Variants in PRORP observed in about 807,000 individuals in gnomAD.
The protein encoded by PRORP is protein only RNase P catalytic subunit, also known as mitochondrial ribonuclease P catalytic subunit.
In PRORP, 51 loss-of-function variants were observed where a neutral mutation model predicts 59.4. The observed-to-expected ratio is 0.86, with a 90% confidence interval of 0.69 to 1.08. The LOEUF (loss-of-function observed/expected upper bound fraction) is 1.08, where lower values mean the gene tolerates loss of function less well. Ranked by LOEUF, PRORP falls within the 50% of genes least tolerant of loss-of-function variation. The pLI is 0.00. For synonymous variants in PRORP, 231 were observed against 245.6 expected (o/e 0.94, Z 0.55); for missense variants, 646 against 690.3 (o/e 0.94, Z 0.72).
Position 35,262,585 on chromosome 14 carries a change from G to A in PRORP, c.1276-4142G>A, listed in dbSNP as rs2050933260. On this transcript the variant is annotated intron_variant, in intron 5 of 7. Transcript: ENST00000534898. ...GCAGAGGGATTTCAATCACATCAGT[G>A]TAGATTCAGTCTTCTTGGAAAGAAA... 9.8e-6 allele frequency: 7 copies of A among 715,658 alleles called. No homozygotes were observed. In the Admixed American group the frequency reaches 1.2e-4, roughly 13 times the overall value. 44.3% of individuals were successfully genotyped at this position (715,658 alleles called of 1,614,324 possible). A position where few individuals can be genotyped will look rare whatever the true frequency, so the allele number is the denominator to read the frequency against.
At chr14:35,203,821 C>T (rs1325131180) in intron 5 of PRORP, among the ~76,000 whole-genome samples, 5 of 152,036 alleles carry the variant, frequency 3.3e-5, no homozygotes, top group South Asian at 2.1e-4. Context: ...GCTGAGATCA[C>T]GCCACTGCAC....
At chr14:35,174,231 A>G (rs767487190) in intron 4 of PRORP, among the ~76,000 whole-genome samples, 7 of 151,932 alleles carry the variant, frequency 4.6e-5, no homozygotes, top group Admixed American at 3.9e-4. Context: ...TTCAAATGTC[A>G]TGTCCCCTCC....
chr14:35,184,912 C>T (rs149270686), intron 5 of PRORP, among the ~76,000 whole-genome samples: 3,505 of 152,164 alleles, frequency 0.023, 57 homozygotes, highest in Non-Finnish European at 0.032. Context: ...TTTTCTTTAT[C>T]CAATCTGTCA....
chr14:35,239,935 C>T (rs1257046795), intron 5 of PRORP, among the ~76,000 whole-genome samples: 4 of 151,942 alleles, frequency 2.6e-5, no homozygotes, highest in Non-Finnish European at 5.9e-5. Context: ...ATTAGCCAGG[C>T]GTGGTGGCGT....
chr14:35,230,646 A>G (rs2050053991), intron 5 of PRORP, among the ~76,000 whole-genome samples: 1 of 152,190 alleles, frequency 6.6e-6, no homozygotes, highest in Admixed American at 6.5e-5. Flanking sequence ...ATGCCTTTTC[A>G]AGTTAGTGAA....
intron 4 of PRORP, among the ~76,000 whole-genome samples, chr14:35,173,219 G>A (rs1299680787): frequency 2.6e-5 from 4 of 152,060 alleles, no homozygotes; most frequent in Admixed American, 6.6e-5. Context: ...TCACATTTCT[G>A]TATTTCTTTT....
chr14:35,184,851 A>G (rs1337024492), intron 5 of PRORP, among the ~76,000 whole-genome samples: 3 of 152,134 alleles, frequency 2.0e-5, no homozygotes, highest in Admixed American at 2.0e-4. Context: ...AAAAGACATG[A>G]TCTCATTCTT....
intron 4 of PRORP, among the ~76,000 whole-genome samples, chr14:35,165,681 GT>G (rs1476382791): frequency 6.6e-6 from 1 of 150,658 alleles, no homozygotes; most frequent in African/African-American, 2.4e-5. Context: ...CCTTTAAAAT[GT>G]AAGGTTTTTT....
chr14:35,156,052 C>T (rs572353474), intron 4 of PRORP, among the ~76,000 whole-genome samples: 1 of 152,126 alleles, frequency 6.6e-6, no homozygotes, highest in Non-Finnish European at 1.5e-5. Flanking sequence ...CAAGTTAATC[C>T]ATTGTGTGGT....
intron 5 of PRORP, among the ~76,000 whole-genome samples, chr14:35,256,770 G>A (rs546012836): frequency 4.9e-4 from 75 of 152,212 alleles, no homozygotes; most frequent in Non-Finnish European, 8.7e-4. Context: ...TGGATTGGCC[G>A]TGAGCTGATA....
intron 4 of PRORP, among the ~76,000 whole-genome samples, chr14:35,173,678 T>C (rs1481412436): frequency 6.6e-6 from 1 of 152,156 alleles, no homozygotes; most frequent in African/African-American, 2.4e-5. Context: ...GATTGCCCTC[T>C]GACCAAGACA....
intron 5 of PRORP, among the ~76,000 whole-genome samples, chr14:35,243,991 C>G (rs1389053807): frequency 6.6e-6 from 1 of 152,026 alleles, no homozygotes; most frequent in Non-Finnish European, 1.5e-5. Context: ...GCTCTTCTAC[C>G]AAGAACGAAC....
At chr14:35,216,421 C>T (rs905851630) in intron 5 of PRORP, among the ~76,000 whole-genome samples, 6 of 151,788 alleles carry the variant, frequency 4.0e-5, no homozygotes, top group South Asian at 2.1e-4. Context: ...GCAATCCTCC[C>T]GCCTCAGCCC....
intron 5 of PRORP, among the ~76,000 whole-genome samples, chr14:35,200,783 G>GT (rs2049128771): frequency 6.6e-6 from 1 of 151,836 alleles, no homozygotes; most frequent in African/African-American, 2.4e-5. Flanking sequence ...CCCACACCCA[G>GT]TTTTTTCTAT....
chr14:35,260,564 A>G (rs1321103048), intron 5 of PRORP, among the ~76,000 whole-genome samples: 1 of 152,258 alleles, frequency 6.6e-6, no homozygotes, highest in Non-Finnish European at 1.5e-5. Context: ...GGCCTAAGCT[A>G]TAGCCACCTA....
Position 35,127,504 on chromosome 14 carries a change from A to G in PRORP, c.1060A>G (p.Thr354Ala), listed in dbSNP as rs1297815540. 6.2e-7 allele frequency: 1 copy of G among 1,610,802 alleles called. No homozygotes were observed. Among genetic ancestry groups the G allele is most frequent in the East Asian group, 2.2e-5 (1 of 44,672 alleles). ...TGGCCAGTGTTCGGGCTGTGGAAAA[A>G]CCATAGAGTCTATTCAGCTGAGTCC... ...KSGQCSGCGK[T>A]IESIQLSPEE... is the part of the protein sequence containing the mutation. The change falls in exon 4 of 8, where the codon ACC becomes GCC. Residue 354 changes from threonine (T) to alanine (A), a missense_variant. Coordinates refer to ENST00000534898, the MANE Select transcript of PRORP (RefSeq NM_014672.4).
chr14:35,151,968 TGTTTCTCGCA>T (rs2047764819), intron 4 of PRORP, among the ~76,000 whole-genome samples: 1 of 146,186 alleles, frequency 6.8e-6, no homozygotes, highest in South Asian at 2.2e-4. Context: ...CATTCTTGGG[TGTTTCTCGCA>T]GAGGGGGATT....
intron 5 of PRORP, among the ~76,000 whole-genome samples, chr14:35,230,018 C>T (rs1028814516): frequency 7.4e-5 from 11 of 149,100 alleles, no homozygotes; most frequent in East Asian, 2.0e-4. Context: ...TCAAGAAGCT[C>T]GAGTGCCAGC....
intron 4 of PRORP, among the ~76,000 whole-genome samples, chr14:35,133,255 C>G (rs2138813530): frequency 6.6e-6 from 1 of 152,286 alleles, no homozygotes; most frequent in South Asian, 2.1e-4. Context: ...TCTTCAATCT[C>G]ACTAATTCTT....
Sources: gnomAD v4.1 joint callset for allele counts (sites outside exome capture counted in the v4.1 genomes callset) on GRCh38, gnomAD v4.1.1 for gene constraint, MANE v1.5 for transcripts, NCBI Gene and HGNC (gene_info 2026-07-23, HGNC 2026-07-21) for gene names.